The following UBE2O variants were observed in gnomAD, a reference collection of about 807,000 sequenced individuals.
UBE2O encodes (E3-independent) E2 ubiquitin-conjugating enzyme.
UBE2O carries 15 observed loss-of-function variants against 125.8 expected under a neutral mutation model. The ratio of observed to expected loss-of-function variants is 0.12; its 90% CI spans 0.08 to 0.18. UBE2O has a LOEUF of 0.18. Ranked by LOEUF, UBE2O falls within the 10% of genes least tolerant of loss-of-function variation. The pLI is 1.00. For synonymous variants in UBE2O, 708 were observed against 703.2 expected, an observed-to-expected ratio of 1.01 and a Z score of -0.11; for missense variants, 1,280 against 1,723.6, an observed-to-expected ratio of 0.74 and a Z score of 4.56.
In UBE2O at chr17:76,396,047, AC is replaced by A; in HGVS notation, c.2809+80del. On this transcript the variant is annotated intron_variant, in intron 14 of 17. Coordinates refer to ENST00000319380, the MANE Select transcript of UBE2O (RefSeq NM_022066.4). The surrounding 1 kb of genome is among the most constrained non-coding windows in gnomAD (Gnocchi z 6.7). ...CTGGGGTCTGGCGAGGGGACTAACC[AC>A]CCTGCACCCAGATCTGGTGACACAA... 2 of 1,524,440 alleles carry A rather than the reference AC, an allele frequency of 1.3e-6. No individual in the cohort carries two copies. The highest frequency in any genetic ancestry group is 8.9e-7 in the Non-Finnish European group (1 of 1,118,660). 94.4% of individuals were successfully genotyped at this position (1,524,440 alleles called of 1,614,324 possible).
chr17:76,399,177 A>C lies in UBE2O; in HGVS notation c.1629-186T>G. On this transcript the variant is annotated intron_variant, in intron 9 of 17. Coordinates refer to ENST00000319380, the MANE Select transcript of UBE2O (RefSeq NM_022066.4). The surrounding 1 kb of genome is among the most constrained non-coding windows in gnomAD (Gnocchi z 6.9). ...GGGTTCCAAGGCCACGCATTCTCTG[A>C]GAACAGGATCCACTTGGGAGAGCTC... The C allele has an allele frequency of 1.2e-6, 1 of 825,610 alleles. No homozygotes were observed. Among genetic ancestry groups the C allele is most frequent in the South Asian group, 1.8e-5 (1 of 55,572 alleles). 51.1% of individuals were successfully genotyped at this position (825,610 alleles called of 1,614,324 possible).
chr17:76,425,859 CCTGTCTCT>C (rs1434210317), intron 1 of UBE2O, among the ~76,000 whole-genome samples: 1 of 152,082 alleles, frequency 6.6e-6, no homozygotes, highest in African/African-American at 2.4e-5. Context: ...AGAATTCCAT[CCTGTCTCT>C]CTAACTCAGA....
chr17:76,413,769 C>T (rs547633252), intron 1 of UBE2O, among the ~76,000 whole-genome samples: 6 of 152,212 alleles, frequency 3.9e-5, no homozygotes, highest in Non-Finnish European at 8.8e-5. Context: ...AACATGCAAA[C>T]CAACACAAAA....
At chr17:76,432,415 A>G (rs1038595703) in intron 1 of UBE2O, among the ~76,000 whole-genome samples, 16 of 152,218 alleles carry the variant, frequency 1.1e-4, no homozygotes, top group Non-Finnish European at 8.8e-5. Flanking sequence ...ATGCCACGGT[A>G]CATGTGACTG....
chr17:76,412,890 C>T (rs2072539427), intron 1 of UBE2O, among the ~76,000 whole-genome samples: 2 of 152,128 alleles, frequency 1.3e-5, no homozygotes, highest in Non-Finnish European at 2.9e-5. Flanking sequence ...CACCTGTAAT[C>T]CCAGCTACTT....
At chr17:76,438,981 C>T (rs1402802993) in intron 1 of UBE2O, among the ~76,000 whole-genome samples, 1 of 152,192 alleles carries the variant, frequency 6.6e-6, no homozygotes, top group Non-Finnish European at 1.5e-5. Context: ...ACCTTGTAAA[C>T]TGCCGCCAAA....
intron 1 of UBE2O, among the ~76,000 whole-genome samples, chr17:76,439,943 C>G (rs2073052763): frequency 6.6e-6 from 1 of 152,208 alleles, no homozygotes; most frequent in South Asian, 2.1e-4. Context: ...CACTCATTCG[C>G]ATGTGTGCAA....
rs934175573 is a variant in UBE2O at position 76,415,710 on chromosome 17, TAGG to T, written c.418-10141_418-10139del. On this transcript the variant is annotated intron_variant, in intron 1 of 17. Transcript: ENST00000319380. ...ATCCCAGCTACTTAGGAGGCCGAGG[TAGG>T]AGAATTGCTTGGACCCAGGAGGTGG... 1.3e-4 allele frequency among the ~76,000 whole-genome samples: 20 copies of T among 151,438 alleles called. No homozygotes were observed. In the South Asian group the frequency reaches 3.8e-3, roughly 28 times the overall value.
chr17:76,395,491 C>T lies in UBE2O; in HGVS notation c.2946+234G>A, dbSNP rs561212455. 20 of 474,712 alleles carry T rather than the reference C, an allele frequency of 4.2e-5. No homozygotes were observed. The South Asian group carries it at 5.6e-4, about 13-fold the overall frequency. The allele number at this position is 474,712 out of a possible 1,614,324, so 29.4% of individuals were successfully genotyped here. A position where few individuals can be genotyped will look rare whatever the true frequency, so the allele number is the denominator to read the frequency against. On this transcript the variant is annotated intron_variant, in intron 15 of 17. Transcript: ENST00000319380. The surrounding 1 kb of genome is among the most constrained non-coding windows in gnomAD (Gnocchi z 5.0). ...ACGGGTGTGAGCCACTGCGCCCGGCCGAGAAAGTAATTTTTTAAAGGAGGG... is the reference window on the plus strand; with the variant it reads ...ACGGGTGTGAGCCACTGCGCCCGGCTGAGAAAGTAATTTTTTAAAGGAGGG...
Sources: gnomAD v4.1 joint callset for allele counts (sites outside exome capture counted in the v4.1 genomes callset) on GRCh38, gnomAD v4.1.1 for gene constraint, Gnocchi (gnomAD v3.1) non-coding constraint, MANE v1.5 for transcripts, NCBI Gene and HGNC (gene_info 2026-07-23, HGNC 2026-07-21) for gene names.